The following PTPRD variants were observed in gnomAD, a reference collection of about 807,000 sequenced individuals.
The protein encoded by PTPRD is receptor-type tyrosine-protein phosphatase delta.
A neutral mutation model predicts 214.5 loss-of-function variants in PTPRD; 34 were observed. The ratio of observed to expected loss-of-function variants is 0.16; its 90% CI spans 0.12 to 0.21. PTPRD has a LOEUF of 0.21. Among genes scored for constraint, PTPRD ranks in the 10% least tolerant of loss-of-function variants. The pLI, the probability that PTPRD is intolerant of heterozygous loss-of-function variation, is 1.00. For synonymous variants in PTPRD, 1,128 were observed against 845.7 expected (o/e 1.33, Z -5.79); for missense variants, 2,545 against 2,398.7 (o/e 1.06, Z -1.27).
intron 11 of PTPRD, among the ~76,000 whole-genome samples, chr9:8,745,237 A>C (rs902292953): frequency 1.1e-4 from 17 of 152,356 alleles, no homozygotes; most frequent in African/African-American, 4.1e-4. Flanking sequence ...ACAAGTGAGT[A>C]GTCTCAGAGG....
intron 3 of PTPRD, among the ~76,000 whole-genome samples, chr9:10,164,772 A>G (rs10958931): frequency 0.036 from 5,467 of 151,662 alleles, 108 homozygotes; most frequent in Middle Eastern, 0.071. Context: ...TGAGTTAACA[A>G]CTAATGAAGC....
intron 10 of PTPRD, among the ~76,000 whole-genome samples, chr9:9,094,979 T>A (rs191486866): frequency 1.3e-5 from 2 of 152,194 alleles, no homozygotes; most frequent in African/African-American, 4.8e-5. Flanking sequence ...TAATACTTCA[T>A]GACCAAATGG....
intron 5 of PTPRD, among the ~76,000 whole-genome samples, chr9:9,832,242 AGAC>A (rs2055110356): frequency 6.6e-6 from 1 of 152,004 alleles, no homozygotes; most frequent in South Asian, 2.1e-4. Flanking sequence ...TTGGAGTAGC[AGAC>A]GAAAGAGTAT....
intron 8 of PTPRD, among the ~76,000 whole-genome samples, chr9:9,503,961 C>T (rs934258937): frequency 3.3e-5 from 5 of 151,712 alleles, no homozygotes; most frequent in African/African-American, 1.2e-4. Flanking sequence ...TTATTTTATC[C>T]AAAGACAATA....
At chr9:8,342,164 G>A (rs1265226474) in intron 39 of PTPRD, among the ~76,000 whole-genome samples, 186 bp from the exon 40 acceptor site, 1 of 151,890 alleles carries the variant, frequency 6.6e-6, no homozygotes, top group Non-Finnish European at 1.5e-5. Flanking sequence ...TCAGAGGACA[G>A]GGAACAAAAG....
chr9:8,750,303 G>A lies in PTPRD; in HGVS notation c.-103-16357C>T, dbSNP rs536279729. On this transcript the variant is annotated intron_variant, in intron 11 of 45. Transcript: ENST00000381196. ...CTCCCAAGTAGCTGGGACTACAGGC[G>A]CGGGCCACCACGCCCGGCTAATTTT... Among the ~76,000 whole-genome samples, 11 of 151,710 alleles carry A rather than the reference G, an allele frequency of 7.3e-5. No homozygotes were observed. In the South Asian group the frequency reaches 1.5e-3, roughly 20 times the overall value.
chr9:9,681,021 G>A lies in PTPRD; in HGVS notation c.-287+53512C>T, dbSNP rs559142405. ...GACTTGGTAAAATTTTTCACACAGA[G>A]CAGCAGTTGGAAATTGTTATTTTAT... On this transcript the variant is annotated intron_variant, in intron 7 of 45. Coordinates refer to ENST00000381196, the MANE Select transcript of PTPRD (RefSeq NM_002839.4). 3.8e-4 allele frequency among the ~76,000 whole-genome samples: 58 copies of A among 151,752 alleles called. 1 individual carries two copies. Among genetic ancestry groups the A allele is most frequent in the African/African-American group, 1.3e-3 (54 of 41,442 alleles).
At chr9:9,033,484 G>A (rs1250275490) in intron 10 of PTPRD, among the ~76,000 whole-genome samples, 2 of 151,976 alleles carry the variant, frequency 1.3e-5, no homozygotes, top group African/African-American at 4.8e-5. Context: ...TCCAACCGCA[G>A]TACATACAAA....
intron 7 of PTPRD, among the ~76,000 whole-genome samples, chr9:9,643,444 C>T (rs1326766): frequency 0.021 from 3,136 of 152,158 alleles, 108 homozygotes; most frequent in African/African-American, 0.072. Context: ...TTTTCATCTG[C>T]ACCTGTTATG....
intron 3 of PTPRD, among the ~76,000 whole-genome samples, chr9:10,291,314 A>G (rs1475866633): frequency 2.6e-5 from 4 of 152,120 alleles, no homozygotes; most frequent in African/African-American, 9.7e-5. Context: ...TAGTAGATGG[A>G]ATGATGGTCT....
At chr9:8,327,146 G>C (rs1191081105) in intron 44 of PTPRD, among the ~76,000 whole-genome samples, 1 of 150,758 alleles carries the variant, frequency 6.6e-6, no homozygotes, top group African/African-American at 2.4e-5. Context: ...GATCTTTCCT[G>C]CTTTCTCTTG....
At chr9:9,394,028 A>G (rs571513348) in intron 9 of PTPRD, among the ~76,000 whole-genome samples, 3 of 152,272 alleles carry the variant, frequency 2.0e-5, no homozygotes, top group African/African-American at 4.8e-5. Flanking sequence ...TCATTAAGAC[A>G]TTTTTAAACC....
intron 9 of PTPRD, among the ~76,000 whole-genome samples, chr9:9,208,549 T>C (rs990956866): frequency 8.5e-5 from 13 of 152,088 alleles, no homozygotes. Context: ...ATTTACATAT[T>C]TATCAAACTA....
At chr9:9,643,265 G>C (rs2096029854) in intron 7 of PTPRD, among the ~76,000 whole-genome samples, 1 of 152,086 alleles carries the variant, frequency 6.6e-6, no homozygotes, top group African/African-American at 2.4e-5. Flanking sequence ...GCTTCTAATA[G>C]AATCTTGATG....
At position 8,523,540 on chromosome 9, in the gene PTPRD, G is replaced by A. The variant is rs1373673177; in HGVS notation, c.680-16C>T. The A allele has an allele frequency of 1.2e-6, 2 of 1,612,672 alleles. No individual in the cohort carries two copies. Among genetic ancestry groups the A allele is most frequent in the Non-Finnish European group, 1.7e-6 (2 of 1,179,172 alleles). The stretch of plus-strand genomic sequence containing the variant: ...TCTCGCAGCTCTGAGGGATGTAGGG[G>A]GTTTGATGCAGAACACAATGAAATG... On this transcript the variant is annotated splice_polypyrimidine_tract_variant and intron_variant, in intron 18 of 45. Transcript: ENST00000381196.
chr9:8,977,668 T>G (rs1467341686), intron 11 of PTPRD, among the ~76,000 whole-genome samples: 1 of 126,370 alleles, frequency 7.9e-6, no homozygotes, highest in Non-Finnish European at 2.0e-5. Flanking sequence ...AAGGAGAATT[T>G]TTTTTTTTTT....
At chr9:10,462,507 T>C (rs780953343) in intron 2 of PTPRD, among the ~76,000 whole-genome samples, 4 of 152,202 alleles carry the variant, frequency 2.6e-5, no homozygotes, top group African/African-American at 4.8e-5. Context: ...AAGCCTGTGC[T>C]CTTTAGAGCA....
intron 4 of PTPRD, among the ~76,000 whole-genome samples, chr9:10,033,423 C>G (rs2097121338): frequency 6.6e-6 from 1 of 151,578 alleles, no homozygotes; most frequent in African/African-American, 2.4e-5. Flanking sequence ...ATATAATATT[C>G]TAAAAATTAG....
intron 11 of PTPRD, among the ~76,000 whole-genome samples, chr9:8,870,753 G>A (rs1345361291): frequency 7.1e-6 from 1 of 141,710 alleles, no homozygotes; most frequent in East Asian, 2.2e-4. Context: ...ACCATGATGT[G>A]CTGGCTCTTT....
Sources: gnomAD v4.1 joint callset for allele counts (sites outside exome capture counted in the v4.1 genomes callset) on GRCh38, gnomAD v4.1.1 for gene constraint, MANE v1.5 for transcripts, NCBI Gene and HGNC (gene_info 2026-07-23, HGNC 2026-07-21) for gene names.